ELMO1: variants seen among roughly 807,000 people sequenced by gnomAD.
The protein encoded by ELMO1 is engulfment and cell motility protein 1.
In ELMO1, 26 loss-of-function variants were observed where a neutral mutation model predicts 98.9. The ratio of observed to expected loss-of-function variants is 0.26; its 90% CI spans 0.19 to 0.36. The LOEUF (loss-of-function observed/expected upper bound fraction) is 0.36. ELMO1 is among the 10% of genes least tolerant of loss of function. The probability of loss-of-function intolerance (pLI) is 1.00; values close to 1 mark genes in which losing one functional copy is unlikely to be tolerated. For missense variants in ELMO1, 627 were observed against 935.2 expected, an observed-to-expected ratio of 0.67 and a Z score of 4.30; for synonymous variants, 346 against 346.0, an observed-to-expected ratio of 1.00 and a Z score of 0.00.
At chr7:36,969,374 T>C (rs892184820) in intron 16 of ELMO1, among the ~76,000 whole-genome samples, 1 of 152,218 alleles carries the variant, frequency 6.6e-6, no homozygotes, top group Non-Finnish European at 1.5e-5. Context: ...ATTCATTTCT[T>C]CTTGCATTTC....
At position 36,853,976 on chromosome 7, in the gene ELMO1, T is replaced by C. The variant is rs2129028342; in HGVS notation, c.*1575A>G. 6.6e-6 allele frequency among the ~76,000 whole-genome samples: 1 copy of C among 152,340 alleles called. No homozygotes were observed. ...TATGCATTCTTTTCATTGCTAAATGTGCTCCCTCAAAGTTGTGATGTCTTT... is the reference window on the plus strand; with the variant it reads ...TATGCATTCTTTTCATTGCTAAATGCGCTCCCTCAAAGTTGTGATGTCTTT... On this transcript the variant is annotated 3_prime_UTR_variant, in exon 22 of 22. Coordinates refer to ENST00000310758, the MANE Select transcript of ELMO1 (RefSeq NM_014800.11).
intron 13 of ELMO1, among the ~76,000 whole-genome samples, chr7:37,163,020 T>C (rs1789337103): frequency 1.3e-5 from 2 of 152,226 alleles, no homozygotes; most frequent in Admixed American, 6.5e-5. Flanking sequence ...GATATGCTGC[T>C]CTACTTGGTT....
At chr7:36,974,573 G>A (rs1790333529) in intron 16 of ELMO1, among the ~76,000 whole-genome samples, 1 of 152,136 alleles carries the variant, frequency 6.6e-6, no homozygotes. Context: ...ATCTAGCTCA[G>A]GGATTGTAAA....
chr7:37,214,020 T>A (rs1284688680), intron 11 of ELMO1, among the ~76,000 whole-genome samples: 1 of 152,192 alleles, frequency 6.6e-6, no homozygotes, highest in Admixed American at 6.5e-5. Flanking sequence ...GCTCGTGAAT[T>A]ACTTTACTCA....
intron 1 of ELMO1, among the ~76,000 whole-genome samples, chr7:37,436,164 A>G (rs1187399974): frequency 6.6e-6 from 1 of 152,200 alleles, no homozygotes; most frequent in African/African-American, 2.4e-5. Context: ...CTCTCCAGTG[A>G]GTTACTGTAG....
intron 15 of ELMO1, among the ~76,000 whole-genome samples, chr7:37,079,677 C>A (rs1039822909): frequency 6.6e-6 from 1 of 152,126 alleles, no homozygotes; most frequent in East Asian, 1.9e-4. Context: ...CCTCATTTAA[C>A]CCCATCACCT....
At chr7:37,413,264 T>A (rs544069668) in intron 1 of ELMO1, among the ~76,000 whole-genome samples, 128 of 152,294 alleles carry the variant, frequency 8.4e-4, no homozygotes, top group Admixed American at 3.4e-3. Context: ...TCCAGGAATC[T>A]TTCCTTGCCT....
At chr7:37,248,009 C>T (rs1358695657) in intron 6 of ELMO1, among the ~76,000 whole-genome samples, 1 of 150,038 alleles carries the variant, frequency 6.7e-6, no homozygotes, top group Non-Finnish European at 1.5e-5. Flanking sequence ...TATATGAGTT[C>T]CGCCTCCTCC....
At chr7:37,184,429 C>T (rs1441645611) in intron 13 of ELMO1, among the ~76,000 whole-genome samples, 1 of 152,162 alleles carries the variant, frequency 6.6e-6, no homozygotes, top group Non-Finnish European at 1.5e-5. Flanking sequence ...GTTCTGGCTC[C>T]AGGCACTAAT....
At chr7:37,048,748 G>C (rs1000314006) in intron 15 of ELMO1, among the ~76,000 whole-genome samples, 6 of 152,140 alleles carry the variant, frequency 3.9e-5, no homozygotes. Context: ...GTTTTCTTAT[G>C]TATTACCTTA....
intron 15 of ELMO1, among the ~76,000 whole-genome samples, chr7:37,054,567 A>G (rs1441688710): frequency 6.6e-6 from 1 of 152,350 alleles, no homozygotes. Context: ...GTTTCATTAA[A>G]TATTTTAAGG....
chr7:37,322,020 C>T (rs1279369370), intron 2 of ELMO1, among the ~76,000 whole-genome samples: 4 of 151,592 alleles, frequency 2.6e-5, no homozygotes, highest in Non-Finnish European at 2.9e-5. Context: ...CCACCACAGT[C>T]GGCTAATTTT....
chr7:37,044,864 A>G (rs1795712506), intron 15 of ELMO1, among the ~76,000 whole-genome samples: 1 of 152,300 alleles, frequency 6.6e-6, no homozygotes, highest in East Asian at 1.9e-4. Context: ...TAAAGTATGA[A>G]TTAGAGAAGT....
At chr7:36,982,081 T>A (rs1046055457) in intron 16 of ELMO1, among the ~76,000 whole-genome samples, 2 of 152,198 alleles carry the variant, frequency 1.3e-5, no homozygotes, top group African/African-American at 4.8e-5. Context: ...TGCAGCTGAA[T>A]TGTAAATTTT....
chr7:37,224,721 G>A (rs974281233), intron 9 of ELMO1, among the ~76,000 whole-genome samples, 158 bp downstream of exon 9: 4 of 152,208 alleles, frequency 2.6e-5, no homozygotes, highest in African/African-American at 9.6e-5. Context: ...AAGTAACCAT[G>A]CCATTCCAGT....
At chr7:37,077,810 C>T (rs572634245) in intron 15 of ELMO1, among the ~76,000 whole-genome samples, 2 of 152,200 alleles carry the variant, frequency 1.3e-5, no homozygotes, top group African/African-American at 4.8e-5. Flanking sequence ...TTCTTGATTG[C>T]AGGAGCCAGG....
chr7:36,887,742 G>A, intron 17 of ELMO1, 70 bp from the exon 18 acceptor site: 2 of 1,380,128 alleles, frequency 1.4e-6, no homozygotes, highest in Non-Finnish European at 2.1e-6. Context: ...GGGCATCATG[G>A]GCATACGGGC....
intron 1 of ELMO1, among the ~76,000 whole-genome samples, chr7:37,405,346 C>G (rs1803713374): frequency 6.6e-6 from 1 of 152,194 alleles, no homozygotes; most frequent in African/African-American, 2.4e-5. Flanking sequence ...CAGACTCCAC[C>G]TTGTCTCACC....
intron 16 of ELMO1, among the ~76,000 whole-genome samples, chr7:36,945,072 A>C (rs1025679367): frequency 6.6e-6 from 1 of 152,144 alleles, no homozygotes; most frequent in African/African-American, 2.4e-5. Context: ...AAACGCCACA[A>C]GTTTGCTCTG....
Sources: gnomAD v4.1 joint callset for allele counts (sites outside exome capture counted in the v4.1 genomes callset) on GRCh38, gnomAD v4.1.1 for gene constraint, MANE v1.5 for transcripts, NCBI Gene and HGNC (gene_info 2026-07-23, HGNC 2026-07-21) for gene names.